The following SCAI variants were observed in gnomAD, a reference collection of about 807,000 sequenced individuals.
The protein encoded by SCAI is suppressor of cancer cell invasion.
SCAI carries 24 observed loss-of-function variants against 92.2 expected under a neutral mutation model. The observed-to-expected ratio is 0.26, with a 90% CI of 0.19 to 0.37. The LOEUF (loss-of-function observed/expected upper bound fraction) is 0.37. Among genes scored for constraint, SCAI ranks in the 10% least tolerant of loss-of-function variants. The pLI, the probability that SCAI is intolerant of heterozygous loss-of-function variation, is 1.00. For missense variants in SCAI, 450 were observed against 736.2 expected (o/e 0.61, Z 4.50); for synonymous variants, 261 against 258.6 (o/e 1.01, Z -0.09).
At chr9:125,003,859 G>GTTTTGTTT (rs1259327008) in intron 9 of SCAI, among the ~76,000 whole-genome samples, 12 of 151,940 alleles carry the variant, frequency 7.9e-5, no homozygotes, top group African/African-American at 2.7e-4. Context: ...ACTTCCTCAG[G>GTTTTGTTT]TTTTGTTTTT....
chr9:125,093,168 C>T (rs1001346137), intron 2 of SCAI, among the ~76,000 whole-genome samples: 3 of 152,172 alleles, frequency 2.0e-5, no homozygotes, highest in Non-Finnish European at 4.4e-5. Flanking sequence ...CAAGACCAGC[C>T]TGGCTAACAT....
intron 3 of SCAI, among the ~76,000 whole-genome samples, chr9:125,039,800 C>T (rs1309634831): frequency 1.3e-5 from 2 of 152,128 alleles, no homozygotes; most frequent in African/African-American, 4.8e-5. Context: ...ATTATGTCTG[C>T]AACTGTCCCA....
chr9:125,098,001 ATG>A lies in SCAI; in HGVS notation c.99-41996_99-41995del, dbSNP rs529831429. On this transcript the variant is annotated intron_variant, in intron 2 of 17. Coordinates refer to ENST00000336505, the MANE Select transcript of SCAI (RefSeq NM_001144877.3). ...TTCTGATCTATATAAGAATATATAT[ATG>A]TGTGTGTGTGTGTATATATATATCT... is the stretch of plus-strand genomic sequence containing the variant. 3.2e-3 allele frequency among the ~76,000 whole-genome samples: 481 copies of A among 150,892 alleles called. 5 individuals are homozygous for A. The highest frequency in any genetic ancestry group is 0.011 in the African/African-American group (449 of 41,208).
intron 3 of SCAI, among the ~76,000 whole-genome samples, chr9:125,047,444 C>T (rs608895): frequency 0.32 from 48,260 of 151,976 alleles, 7,923 homozygotes; most frequent in Middle Eastern, 0.42. Context: ...CTTGTTATGG[C>T]AGCCATAGCA....
chr9:125,014,466 A>C (rs1339975568), intron 9 of SCAI, among the ~76,000 whole-genome samples: 1 of 152,166 alleles, frequency 6.6e-6, no homozygotes, highest in African/African-American at 2.4e-5. Flanking sequence ...TAAGAATCCA[A>C]CTTACAAGGG....
Position 125,026,833 on chromosome 9 carries a change from G to A in SCAI, c.491C>T (p.Ser164Phe), listed in dbSNP as rs1230495778. 1 of 1,584,966 alleles carries A rather than the reference G, an allele frequency of 6.3e-7. No homozygotes were observed. The highest frequency in any genetic ancestry group is 2.2e-5 in the East Asian group (1 of 44,660). ...ATACCTGTCCTCTTTATTGACTTGA[G>A]AATAATATGATCTCTGTCTGATTGC... is the stretch of plus-strand genomic sequence containing the variant. The part of the protein sequence containing the change: ...YSAIRQRSYY[S>F]QVNKEDRPEL... Residue 164 changes from serine to phenylalanine, a missense_variant, in exon 6 of 18, where the codon TCT becomes TTT. Physicochemically the swap from Ser to Phe is radical, Grantham distance 155. This residue lies in a region of SCAI where 360 missense variants were observed against 601.8 expected (regional missense o/e 0.60). Coordinates refer to ENST00000336505, the MANE Select transcript of SCAI (RefSeq NM_001144877.3).
chr9:125,099,587 A>G (rs1236142256), intron 2 of SCAI, among the ~76,000 whole-genome samples: 1 of 152,148 alleles, frequency 6.6e-6, no homozygotes, highest in Non-Finnish European at 1.5e-5. Context: ...TTCAAAGAAA[A>G]ACAAATACAA....
At chr9:124,984,733 A>G (rs1465797448) in intron 14 of SCAI, among the ~76,000 whole-genome samples, 1 of 152,218 alleles carries the variant, frequency 6.6e-6, no homozygotes, top group Admixed American at 6.5e-5. Flanking sequence ...AATTATAACT[A>G]AAGATATGGA....
intron 9 of SCAI, among the ~76,000 whole-genome samples, chr9:125,017,711 C>T (rs1474977928): frequency 6.6e-6 from 1 of 151,974 alleles, no homozygotes; most frequent in Non-Finnish European, 1.5e-5. Flanking sequence ...GACAAATTTA[C>T]CCAAAAACAA....
intron 12 of SCAI, among the ~76,000 whole-genome samples, chr9:125,000,537 G>C (rs976365094): frequency 2.0e-5 from 3 of 151,438 alleles, no homozygotes; most frequent in Middle Eastern, 3.4e-3. Flanking sequence ...TGTATTCCCA[G>C]GCTGCAGTGA....
chr9:125,072,446 TGAA>T (rs991334842), intron 2 of SCAI, among the ~76,000 whole-genome samples: 3 of 152,166 alleles, frequency 2.0e-5, no homozygotes, highest in African/African-American at 7.2e-5. Flanking sequence ...TGAGTATAAA[TGAA>T]GAAATAAAAC....
At chr9:125,007,877 G>A (rs1297884474) in intron 9 of SCAI, among the ~76,000 whole-genome samples, 5 of 150,676 alleles carry the variant, frequency 3.3e-5, no homozygotes, top group East Asian at 3.9e-4. Flanking sequence ...ACGGAGTCTC[G>A]CTCTGTCGCC....
intron 2 of SCAI, among the ~76,000 whole-genome samples, chr9:125,120,159 T>C (rs941883591): frequency 1.8e-4 from 27 of 152,312 alleles, no homozygotes; most frequent in African/African-American, 5.5e-4. Flanking sequence ...AAATGAACGA[T>C]ACTGCTGTAG....
intron 3 of SCAI, among the ~76,000 whole-genome samples, chr9:125,042,857 G>GGTTTTGTTTTTTTT (rs1564390540): frequency 8.6e-6 from 1 of 115,900 alleles, no homozygotes; most frequent in Admixed American, 1.1e-4. Context: ...CTGCTCCCTG[G>GGTTTTGTTTTTTTT]CTTTTTTTTT....
At chr9:125,085,730 G>A (rs376029805) in intron 2 of SCAI, among the ~76,000 whole-genome samples, 11 of 152,276 alleles carry the variant, frequency 7.2e-5, no homozygotes, top group South Asian at 2.1e-4. Context: ...GCAGTGAGCC[G>A]TGATCGCACC....
intron 17 of SCAI, among the ~76,000 whole-genome samples, chr9:124,966,752 G>A (rs1831549195): frequency 6.6e-6 from 1 of 151,410 alleles, no homozygotes; most frequent in Non-Finnish European, 1.5e-5. Context: ...ATTTTACTTA[G>A]CTTCTGTTTA....
intron 2 of SCAI, among the ~76,000 whole-genome samples, chr9:125,118,282 C>T (rs1033483597): frequency 3.3e-5 from 5 of 152,030 alleles, no homozygotes; most frequent in African/African-American, 1.2e-4. Flanking sequence ...GAGAGGCCAG[C>T]ACAGGAGGAT....
intron 2 of SCAI, among the ~76,000 whole-genome samples, chr9:125,112,072 C>T (rs543233045): frequency 2.0e-5 from 3 of 152,170 alleles, no homozygotes; most frequent in East Asian, 3.9e-4. Context: ...CACACACAAG[C>T]GATAATAGTG....
chr9:125,030,962 A>G (rs1463615901), intron 3 of SCAI, among the ~76,000 whole-genome samples: 2 of 152,248 alleles, frequency 1.3e-5, no homozygotes, highest in Non-Finnish European at 2.9e-5. Context: ...GAGAAATGCT[A>G]TCCATAAATG....
Sources: gnomAD v4.1 joint callset for allele counts (sites outside exome capture counted in the v4.1 genomes callset) on GRCh38, gnomAD v4.1.1 for gene constraint, gnomAD v4.1.1 regional missense constraint, MANE v1.5 for transcripts, NCBI Gene and HGNC (gene_info 2026-07-23, HGNC 2026-07-21) for gene names.